The following COMMD1 variants were observed in gnomAD, a reference collection of about 807,000 sequenced individuals.
The protein encoded by COMMD1 is COMM domain-containing protein 1.
In COMMD1, 10 loss-of-function variants were observed where a neutral mutation model predicts 17.2. The observed-to-expected ratio is 0.58, with a 90% CI of 0.36 to 0.99. The LOEUF is 0.99. COMMD1 is among the 50% of genes least tolerant of loss of function. The pLI is 0.01. For missense variants in COMMD1, 270 were observed against 231.8 expected (o/e 1.17, Z -1.07); for synonymous variants, 97 against 91.6 (o/e 1.06, Z -0.34).
At chr2:61,997,514 G>A (rs116702492) in intron 1 of COMMD1, among the ~76,000 whole-genome samples, 8 of 152,302 alleles carry the variant, frequency 5.3e-5, no homozygotes, top group Non-Finnish European at 1.0e-4. Flanking sequence ...TGCATTGTTA[G>A]TGAGTAGTAA....
At chr2:61,988,756 G>T (rs1672169556) in intron 1 of COMMD1, among the ~76,000 whole-genome samples, 1 of 152,106 alleles carries the variant, frequency 6.6e-6, no homozygotes, top group African/African-American at 2.4e-5. Context: ...AGTCCTTGTG[G>T]CCTAGAGTGC....
chr2:62,087,556 G>A (rs1047861511), intron 2 of COMMD1, among the ~76,000 whole-genome samples: 20 of 152,186 alleles, frequency 1.3e-4, no homozygotes, highest in African/African-American at 4.8e-4. Context: ...GACCAGCCTG[G>A]CCAACATGAC....
chr2:62,115,998 C>T (rs1029643604), intron 2 of COMMD1, among the ~76,000 whole-genome samples: 1 of 151,632 alleles, frequency 6.6e-6, no homozygotes, highest in African/African-American at 2.4e-5. Context: ...AGGCATGAGG[C>T]ACCACGCCCA....
intron 2 of COMMD1, among the ~76,000 whole-genome samples, chr2:62,011,552 A>G (rs1669278917): frequency 6.6e-6 from 1 of 152,140 alleles, no homozygotes; most frequent in South Asian, 2.1e-4. Context: ...GCCTCCCGGC[A>G]CATGGTGTTC....
At chr2:61,918,905 A>T (rs555065656) in intron 1 of COMMD1, among the ~76,000 whole-genome samples, 2 of 152,270 alleles carry the variant, frequency 1.3e-5, no homozygotes, top group South Asian at 4.1e-4. Flanking sequence ...GACTTCTGTT[A>T]TGTGGTTCAT....
chr2:62,035,810 G>A (rs186463520), intron 2 of COMMD1, among the ~76,000 whole-genome samples: 7 of 151,684 alleles, frequency 4.6e-5, no homozygotes, highest in African/African-American at 1.5e-4. Flanking sequence ...CAGCACTTTG[G>A]GGGGCTGAGG....
intron 1 of COMMD1, among the ~76,000 whole-genome samples, chr2:61,944,858 TGGGGAA>T (rs1400883201): frequency 1.3e-5 from 2 of 151,756 alleles, no homozygotes; most frequent in South Asian, 2.1e-4. Flanking sequence ...GCAGCAAAGA[TGGGGAA>T]GGGGAAGGGG....
intron 1 of COMMD1, among the ~76,000 whole-genome samples, chr2:61,932,583 T>A (rs1670497833): frequency 1.3e-5 from 2 of 152,206 alleles, no homozygotes; most frequent in African/African-American, 4.8e-5. Flanking sequence ...TGTTGGAAAC[T>A]TAATCCCCAG....
upstream of COMMD1, among the ~76,000 whole-genome samples, chr2:61,903,849 T>C (rs1387242997): frequency 6.6e-6 from 1 of 151,144 alleles, no homozygotes; most frequent in East Asian, 2.0e-4. Flanking sequence ...ACCTCAGTTG[T>C]CACTTTGAAG....
At chr2:62,121,996 G>A (rs1381729206) in intron 2 of COMMD1, among the ~76,000 whole-genome samples, 2 of 152,038 alleles carry the variant, frequency 1.3e-5, no homozygotes, top group South Asian at 4.1e-4. Flanking sequence ...TTGCCATGTT[G>A]CCCAGGCTGG....
intron 1 of COMMD1, among the ~76,000 whole-genome samples, chr2:61,910,707 A>G (rs1669882726): frequency 6.6e-6 from 1 of 152,190 alleles, no homozygotes. Flanking sequence ...AACTATGAAG[A>G]TCAATCACCT....
chr2:62,132,793 T>C (rs970884866), intron 2 of COMMD1, among the ~76,000 whole-genome samples: 2 of 151,972 alleles, frequency 1.3e-5, no homozygotes, highest in Admixed American at 6.6e-5. Flanking sequence ...AGGTTGCAGA[T>C]TGGGCCACTG....
intron 2 of COMMD1, among the ~76,000 whole-genome samples, chr2:62,127,545 C>T (rs954345697): frequency 2.0e-5 from 3 of 152,084 alleles, no homozygotes; most frequent in Admixed American, 2.0e-4. Flanking sequence ...ATGAATGGAA[C>T]AGAATAGAGA....
At chr2:62,023,442 A>AATTTAGCCTAAAG (rs1669668279) in intron 2 of COMMD1, among the ~76,000 whole-genome samples, 2 of 151,942 alleles carry the variant, frequency 1.3e-5, no homozygotes. Flanking sequence ...TAAAGAAACA[A>AATTTAGCCTAAAG]CCCAAGATTC....
At chr2:62,089,777 T>C (rs1321698367) in intron 2 of COMMD1, among the ~76,000 whole-genome samples, 1 of 151,304 alleles carries the variant, frequency 6.6e-6, no homozygotes, top group African/African-American at 2.5e-5. Flanking sequence ...TGAAAGGAAT[T>C]TGGGCAAGAT....
At chr2:62,030,309 G>T (rs774550831) in intron 2 of COMMD1, among the ~76,000 whole-genome samples, 1 of 152,168 alleles carries the variant, frequency 6.6e-6, no homozygotes, top group African/African-American at 2.4e-5. Context: ...CTTGGGGAAG[G>T]GGGATTCTAG....
intron 1 of COMMD1, among the ~76,000 whole-genome samples, chr2:61,911,022 G>A (rs1047049612): frequency 2.0e-5 from 3 of 151,794 alleles, no homozygotes; most frequent in African/African-American, 7.3e-5. Flanking sequence ...GGCGGAGGTC[G>A]TGGTGAGCCG....
chr2:62,086,326 G>A (rs968009447), intron 2 of COMMD1, among the ~76,000 whole-genome samples: 39 of 152,092 alleles, frequency 2.6e-4, no homozygotes, highest in African/African-American at 7.7e-4. Flanking sequence ...TGGCTAACAC[G>A]GTGAAACCCT....
At chr2:62,086,983 C>T (rs1671689429) in intron 2 of COMMD1, among the ~76,000 whole-genome samples, 1 of 151,936 alleles carries the variant, frequency 6.6e-6, no homozygotes. Context: ...GCCACCATGC[C>T]TGGCTAATTT....
Sources: allele counts gnomAD v4.1 joint callset (sites outside exome capture counted in the v4.1 genomes callset), GRCh38; gene constraint gnomAD v4.1.1; transcripts MANE v1.5; gene names NCBI Gene and HGNC (gene_info 2026-07-23, HGNC 2026-07-21).